UBR4: variants seen among roughly 807,000 people sequenced by gnomAD.
UBR4 encodes ubiquitin protein ligase E3 component n-recognin 4, also known as E3 ubiquitin-protein ligase UBR4.
A neutral mutation model predicts 575.6 loss-of-function variants in UBR4; 124 were observed. That is an observed-to-expected ratio of 0.22 (90% CI 0.19 to 0.25). The LOEUF is 0.25. Ranked by LOEUF, UBR4 falls within the 10% of genes least tolerant of loss-of-function variation. The pLI, the probability that UBR4 is intolerant of heterozygous loss-of-function variation, is 1.00. For synonymous variants in UBR4, 2,455 were observed against 2,473.7 expected (o/e 0.99, Z 0.22); for missense variants, 4,818 against 6,478.8 (o/e 0.74, Z 8.80).
In UBR4 at chr1:19,153,196, G is replaced by A. The variant is rs1302505288; in HGVS notation, c.6832+105C>T. ...TTAACTTTACAAAATGTGCAAGTAGGACAGTCACATTTCTTCACAGATATT... is the reference window on the plus strand; with the variant it reads ...TTAACTTTACAAAATGTGCAAGTAGAACAGTCACATTTCTTCACAGATATT... On this transcript the variant is annotated intron_variant, in intron 46 of 105. Transcript: ENST00000375254. The surrounding 1 kb of genome is among the most constrained non-coding windows in gnomAD (Gnocchi z 4.1). 2 of 1,279,494 alleles carry A rather than the reference G, an allele frequency of 1.6e-6. No individual in the cohort carries two copies. The highest frequency in any genetic ancestry group is 2.2e-6 in the Non-Finnish European group (2 of 902,684). The allele number at this position is 1,279,494 out of a possible 1,614,324, so 79.3% of individuals were successfully genotyped here. A position where few individuals can be genotyped will look rare whatever the true frequency, so the allele number is the denominator to read the frequency against.
chr1:19,179,070 A>T lies in UBR4; in HGVS notation c.2335T>A (p.Cys779Ser). 6.2e-7 allele frequency: 1 copy of T among 1,613,502 alleles called. No individual in the cohort carries two copies. Reference sequence around the variant, plus strand: ...TCTTACCTGTCCCAAACTTTAAGGCATTCTGGGACGTCAGGGTCACCTTGA... The same window carrying T: ...TCTTACCTGTCCCAAACTTTAAGGCTTTCTGGGACGTCAGGGTCACCTTGA... The part of the protein sequence containing the change: ...SAQGDPDVPE[C>S]LKVWDRFLST... The change falls in exon 18 of 106, where the codon TGC becomes AGC. Residue 779 changes from cysteine to serine, a missense_variant. Cys to Ser is a moderately radical substitution (Grantham distance 112). Transcript: ENST00000375254.
At chr1:19,208,391 T>C (rs1377175587) in intron 1 of UBR4, among the ~76,000 whole-genome samples, 1 of 134,946 alleles carries the variant, frequency 7.4e-6, no homozygotes, top group African/African-American at 2.8e-5. Flanking sequence ...GGTGTGAACC[T>C]GGGAGGTGGA....
At position 19,075,085 on chromosome 1, in the gene UBR4, T is replaced by C. The variant is rs954042854; in HGVS notation, c.15488-189A>G. The C allele has an allele frequency of 2.2e-5, 14 of 630,296 alleles. No homozygotes were observed. The African/African-American group carries it at 2.5e-4, about 11-fold the overall frequency. 39.0% of individuals were successfully genotyped at this position (630,296 alleles called of 1,614,324 possible). ...AAACCCTGTTCCGCAGGAGGAGTCC[T>C]GTTCCAGAAGCAGGCACTGCTGGAA... is the stretch of plus-strand genomic sequence containing the variant. On this transcript the variant is annotated intron_variant, in intron 105 of 105. Transcript: ENST00000375254.
intron 99 of UBR4, 124 bp downstream of exon 99, chr1:19,087,692 C>G: frequency 2.9e-6 from 2 of 684,716 alleles, no homozygotes; most frequent in South Asian, 3.7e-5. Context: ...TTTTGTTAAT[C>G]TCCTAAGATG....
At chr1:19,185,748 T>A (rs2091469562) in intron 14 of UBR4, among the ~76,000 whole-genome samples, 1 of 151,890 alleles carries the variant, frequency 6.6e-6, no homozygotes, top group Non-Finnish European at 1.5e-5. Context: ...AATTTTTGAT[T>A]TTTAGTAGAG....
rs1260003269 is a variant in UBR4, at chr1:19,152,066, T to A, written c.6997-207A>T. Among the ~76,000 whole-genome samples, 2 of 152,200 alleles carry A rather than the reference T, an allele frequency of 1.3e-5. No individual in the cohort carries two copies. Among genetic ancestry groups the A allele is most frequent in the East Asian group, 3.9e-4 (2 of 5,192 alleles). On this transcript the variant is annotated intron_variant, in intron 47 of 105. Coordinates refer to ENST00000375254, the MANE Select transcript of UBR4 (RefSeq NM_020765.3). This position sits in a 1 kb window ranked among gnomAD's most constrained non-coding sequence, Gnocchi z 4.4. Reference sequence around the variant, plus strand: ...CAATGTCAGGCTTCCTTCTCCCCAGTATTAACCACCTCTTTGATGTCCTCT... The same window carrying A: ...CAATGTCAGGCTTCCTTCTCCCCAGAATTAACCACCTCTTTGATGTCCTCT...
chr1:19,189,141 T>C (rs993371337), intron 11 of UBR4, among the ~76,000 whole-genome samples: 2 of 151,860 alleles, frequency 1.3e-5, no homozygotes, highest in African/African-American at 2.4e-5. Flanking sequence ...ATCATAGCAT[T>C]CTCTCCTCTA....
chr1:19,167,270 T>C, intron 28 of UBR4, 39 bp from the exon 29 acceptor site: 1 of 1,607,524 alleles, frequency 6.2e-7, no homozygotes. Flanking sequence ...GTGAATACAC[T>C]CCTCCAAAAA....
rs776229650 is a variant in UBR4, at chr1:19,173,455, T to C, written c.3149A>G (p.Tyr1050Cys). The C allele has an allele frequency of 4.3e-5, 69 of 1,614,108 alleles. No individual in the cohort carries two copies. In the Middle Eastern group the frequency reaches 9.9e-4, roughly 23 times the overall value. Reference protein sequence around the residue: ...RWSSRLRISSYVNWIKDHLIK... With the variant: ...RWSSRLRISSCVNWIKDHLIK... The stretch of plus-strand genomic sequence containing the variant: ...CTGTGTTACCTTTATCCAGTTGACA[T>C]AGGAGCTGATCCGGAGCCGAGAAGA... Residue 1050 changes from tyrosine (Y) to cysteine (C), a missense_variant, in exon 23 of 106, where the codon TAT (tyrosine) becomes TGT (cysteine). Coordinates refer to ENST00000375254, the MANE Select transcript of UBR4 (RefSeq NM_020765.3).
chr1:19,094,267 C>T (rs1027852776), intron 94 of UBR4, 128 bp from the exon 95 acceptor site: 52 of 637,944 alleles, frequency 8.2e-5, no homozygotes, highest in South Asian at 5.4e-4. Flanking sequence ...AACTATGTCT[C>T]GGCACTTCTT....
chr1:19,122,635 G>A (rs1288887891), intron 66 of UBR4, among the ~76,000 whole-genome samples, 198 bp downstream of exon 66: 1 of 152,198 alleles, frequency 6.6e-6, no homozygotes, highest in East Asian at 1.9e-4. Flanking sequence ...TGCTGAGGGG[G>A]ACATCCCAGA....
chr1:19,186,022 A>G (rs841371), intron 14 of UBR4, among the ~76,000 whole-genome samples: 5,369 of 152,294 alleles, frequency 0.035, 326 homozygotes, highest in African/African-American at 0.12. Flanking sequence ...CGTATTTCAC[A>G]TTGTTCCCAC....
rs2092509999 is a variant in UBR4, at chr1:19,197,210, C to T, written c.949G>A (p.Val317Met). ...TMALDTLSLP[V>M]LEPLNPSRLQ... ...CGAGAAGGATTGAGAGGTTCCAACA[C>T]AGGTAGAGAAAGGGTATCCAATGCC... Residue 317 changes from valine to methionine, a missense_variant, in exon 8 of 106, where the codon GTG becomes ATG. Around this residue, in one of 29 missense-constraint regions of UBR4, gnomAD observed 131 missense variants for 214.5 expected, o/e 0.61. Coordinates refer to ENST00000375254, the MANE Select transcript of UBR4 (RefSeq NM_020765.3). 5.6e-6 allele frequency: 9 copies of T among 1,614,142 alleles called. No homozygotes were observed. The highest frequency in any genetic ancestry group is 1.6e-4 in the Middle Eastern group (1 of 6,062).
At chr1:19,131,413 TTTAA>T (rs1374533253) in intron 60 of UBR4, among the ~76,000 whole-genome samples, 1 of 152,158 alleles carries the variant, frequency 6.6e-6, no homozygotes, top group Non-Finnish European at 1.5e-5. Flanking sequence ...TAACCAATTA[TTTAA>T]TTAACTTATT....
At chr1:19,160,304 A>T in intron 38 of UBR4, 23 bp from the exon 39 acceptor site, 2 of 1,498,272 alleles carry the variant, frequency 1.3e-6, no homozygotes, top group Non-Finnish European at 8.9e-7. Flanking sequence ...GAAAAAATAC[A>T]CCAGTGAAAA....
rs2083556977 is a variant in UBR4, at chr1:19,139,279, A to G, written c.8594-59T>C. 6.5e-7 allele frequency: 1 copy of G among 1,529,364 alleles called. No individual in the cohort carries two copies. The highest frequency in any genetic ancestry group is 1.4e-5 in the African/African-American group (1 of 71,952). The allele number at this position is 1,529,364 out of a possible 1,614,324, so 94.7% of individuals were successfully genotyped here. A position where few individuals can be genotyped will look rare whatever the true frequency, so the allele number is the denominator to read the frequency against. The stretch of plus-strand genomic sequence containing the variant: ...AAACAAACAAACAAACAAACAAACA[A>G]AAAACAAAAAAAACCCCTCCTTGGG... On this transcript the variant is annotated intron_variant, in intron 58 of 105. Transcript: ENST00000375254. The surrounding 1 kb of genome is among the most constrained non-coding windows in gnomAD (Gnocchi z 4.2).
intron 39 of UBR4, among the ~76,000 whole-genome samples, chr1:19,158,849 T>C (rs2086841058): frequency 1.3e-5 from 2 of 152,048 alleles, no homozygotes; most frequent in South Asian, 2.1e-4. Flanking sequence ...CCCTTAAAAA[T>C]AGCCAACTTT....
rs2078413443 is a variant in UBR4 at position 19,099,627 on chromosome 1, A to G, written c.13272T>C (p.Val4424=). 1 of 1,614,142 alleles carries G rather than the reference A, an allele frequency of 6.2e-7. No homozygotes were observed. Among genetic ancestry groups the G allele is most frequent in the Non-Finnish European group, 8.5e-7 (1 of 1,179,996 alleles). Residue 4424 remains valine (V), a synonymous_variant, in exon 90 of 106, where the codon GTT becomes GTC. Coordinates refer to ENST00000375254, the MANE Select transcript of UBR4 (RefSeq NM_020765.3). ...TCGTGGTACACCAGACTTTCTTGTAAACTTCAGCCACAGGAAGGTCCAAAC... is the reference window on the plus strand; with the variant it reads ...TCGTGGTACACCAGACTTTCTTGTAGACTTCAGCCACAGGAAGGTCCAAAC... ...IISLDLPVAE[V]YKKVWCTTNE...
At chr1:19,123,686 A>G (rs1329216733) in intron 65 of UBR4, among the ~76,000 whole-genome samples, 1 of 152,214 alleles carries the variant, frequency 6.6e-6, no homozygotes, top group Non-Finnish European at 1.5e-5. Context: ...CTATCAAGAA[A>G]AAAACCATTC....
Sources: allele counts gnomAD v4.1 joint callset (sites outside exome capture counted in the v4.1 genomes callset), GRCh38; gene constraint gnomAD v4.1.1; regional missense constraint gnomAD v4.1.1; non-coding constraint Gnocchi (gnomAD v3.1); transcripts MANE v1.5; gene names NCBI Gene and HGNC (gene_info 2026-07-23, HGNC 2026-07-21).